ANTXR1: variants seen among roughly 807,000 people sequenced by gnomAD.
ANTXR1 encodes ANTXR cell adhesion molecule 1.
In ANTXR1, 19 loss-of-function variants were observed where a neutral mutation model predicts 78.1. The ratio of observed to expected loss-of-function variants is 0.24; its 90% confidence interval spans 0.17 to 0.36. The LOEUF (loss-of-function observed/expected upper bound fraction) is 0.36, where lower values mean the gene tolerates loss of function less well. Ranked by LOEUF, ANTXR1 falls within the 10% of genes least tolerant of loss-of-function variation. The pLI is 1.00. For synonymous variants in ANTXR1, 273 were observed against 260.5 expected, an observed-to-expected ratio of 1.05 and a Z score of -0.46; for missense variants, 518 against 718.6, an observed-to-expected ratio of 0.72 and a Z score of 3.19.
At chr2:69,041,730 CTT>C (rs1037017952) in intron 2 of ANTXR1, among the ~76,000 whole-genome samples, 2 of 152,198 alleles carry the variant, frequency 1.3e-5, no homozygotes, top group Admixed American at 6.5e-5. Context: ...ATCTTAGAAT[CTT>C]AGAAAATTGT....
At chr2:69,220,802 G>A (rs1258150209) in intron 17 of ANTXR1, among the ~76,000 whole-genome samples, 1 of 152,124 alleles carries the variant, frequency 6.6e-6, no homozygotes, top group Non-Finnish European at 1.5e-5. Context: ...TGAAACTAAA[G>A]GATGGAACAG....
chr2:69,044,389 G>T (rs1355101492), intron 2 of ANTXR1, among the ~76,000 whole-genome samples: 1 of 152,128 alleles, frequency 6.6e-6, no homozygotes, highest in Non-Finnish European at 1.5e-5. Flanking sequence ...TACCTATCGG[G>T]ATCCCCTTTT....
intron 12 of ANTXR1, among the ~76,000 whole-genome samples, chr2:69,126,636 G>A (rs1558577039): frequency 6.6e-6 from 1 of 151,836 alleles, no homozygotes; most frequent in Non-Finnish European, 1.5e-5. Context: ...TGAGACCACA[G>A]AGCAGAGGAA....
In ANTXR1 at chr2:69,193,459, TCACATACACACACACA is replaced by T. The variant is rs1214888097; in HGVS notation, c.1434+49_1434+64del. The T allele has an allele frequency of 5.0e-5, 52 of 1,044,904 alleles. 1 individual carries two copies. In the African/African-American group the frequency reaches 7.8e-4, roughly 16 times the overall value. 64.7% of individuals were successfully genotyped at this position (1,044,904 alleles called of 1,614,324 possible). A position where few individuals can be genotyped will look rare whatever the true frequency, so the allele number is the denominator to read the frequency against. On this transcript the variant is annotated intron_variant, in intron 17 of 17. Transcript: ENST00000303714. ...TTAATGGTGTCTCTCTCTCTCTCTC[TCACATACACACACACA>T]CACACACACACACACATATTCTTTT... is the stretch of plus-strand genomic sequence containing the variant.
intron 9 of ANTXR1, among the ~76,000 whole-genome samples, chr2:69,097,599 T>C (rs1012960625): frequency 6.6e-6 from 1 of 152,266 alleles, no homozygotes; most frequent in Non-Finnish European, 1.5e-5. Flanking sequence ...TCCTTTCATT[T>C]AAAGACATTT....
intron 9 of ANTXR1, among the ~76,000 whole-genome samples, chr2:69,101,978 G>A (rs945288065): frequency 6.6e-6 from 1 of 152,190 alleles, no homozygotes; most frequent in South Asian, 2.1e-4. Flanking sequence ...ACTTAATAAC[G>A]ATTTTATTCA....
chr2:69,226,919 C>T (rs898747562), intron 17 of ANTXR1, among the ~76,000 whole-genome samples: 1 of 152,112 alleles, frequency 6.6e-6, no homozygotes, highest in African/African-American at 2.4e-5. Flanking sequence ...TCATACAGAA[C>T]ACGAGCTCAG....
At chr2:69,078,443 G>A (rs779490229) in intron 8 of ANTXR1, among the ~76,000 whole-genome samples, 17 of 152,126 alleles carry the variant, frequency 1.1e-4, no homozygotes, top group South Asian at 2.1e-4. Flanking sequence ...AGGGGTTACC[G>A]GCCAAGGGCT....
At chr2:69,169,345 G>C (rs73934768) in intron 13 of ANTXR1, among the ~76,000 whole-genome samples, 4,731 of 152,342 alleles carry the variant, frequency 0.031, 219 homozygotes, top group African/African-American at 0.11. Flanking sequence ...TTTGGGGTGA[G>C]AGGAGGAAGC....
chr2:69,203,129 AT>A (rs1674815121), intron 17 of ANTXR1, among the ~76,000 whole-genome samples: 1 of 152,252 alleles, frequency 6.6e-6, no homozygotes, highest in African/African-American at 2.4e-5. Context: ...CATCTTCAGA[AT>A]TCCTATCTGA....
intron 9 of ANTXR1, among the ~76,000 whole-genome samples, chr2:69,098,425 A>G (rs1322715310): frequency 6.6e-6 from 1 of 152,234 alleles, no homozygotes; most frequent in Non-Finnish European, 1.5e-5. Flanking sequence ...AATATCACTG[A>G]CAATAATTTG....
chr2:69,135,360 A>G (rs975543266), intron 12 of ANTXR1, among the ~76,000 whole-genome samples: 2 of 152,226 alleles, frequency 1.3e-5, no homozygotes, highest in Non-Finnish European at 2.9e-5. Context: ...GCCAATAGTA[A>G]GATGGTAGAA....
chr2:69,161,374 T>A (rs1460832231), intron 13 of ANTXR1, among the ~76,000 whole-genome samples: 3 of 152,242 alleles, frequency 2.0e-5, no homozygotes, highest in African/African-American at 7.2e-5. Flanking sequence ...AAAAATCATT[T>A]GAAATCTGAG....
intron 17 of ANTXR1, among the ~76,000 whole-genome samples, chr2:69,211,254 C>G (rs554306530): frequency 6.6e-6 from 1 of 152,328 alleles, no homozygotes; most frequent in African/African-American, 2.4e-5. Flanking sequence ...GGCATATAGG[C>G]TGAACTTCAT....
chr2:69,244,383 C>A (rs1338184088), intron 17 of ANTXR1, among the ~76,000 whole-genome samples: 1 of 152,200 alleles, frequency 6.6e-6, no homozygotes, highest in African/African-American at 2.4e-5. Flanking sequence ...GTGACAACAA[C>A]TAAGGCTACC....
chr2:69,027,523 C>G (rs1464381265), intron 1 of ANTXR1, among the ~76,000 whole-genome samples: 1 of 152,106 alleles, frequency 6.6e-6, no homozygotes, highest in East Asian at 1.9e-4. Flanking sequence ...TCTCCCCTAA[C>G]TGATGGAACA....
intron 12 of ANTXR1, chr2:69,135,059 G>A (rs905846058): frequency 4.9e-5 from 20 of 408,152 alleles, no homozygotes; most frequent in Middle Eastern, 3.5e-4. Context: ...ATCAGAGTGC[G>A]GAACTCAGAT....
At chr2:69,244,493 G>A (rs927211100) in intron 17 of ANTXR1, among the ~76,000 whole-genome samples, 7 of 152,184 alleles carry the variant, frequency 4.6e-5, no homozygotes, top group African/African-American at 9.7e-5. Flanking sequence ...AAGGCAAGGC[G>A]TGGATGAGGA....
At chr2:69,206,925 A>T (rs1674919350) in intron 17 of ANTXR1, among the ~76,000 whole-genome samples, 1 of 152,238 alleles carries the variant, frequency 6.6e-6, no homozygotes. Flanking sequence ...TCAAGTCAGA[A>T]ACCCATACAT....
Sources: gnomAD v4.1 joint callset for allele counts (sites outside exome capture counted in the v4.1 genomes callset) on GRCh38, gnomAD v4.1.1 for gene constraint, MANE v1.5 for transcripts, NCBI Gene and HGNC (gene_info 2026-07-23, HGNC 2026-07-21) for gene names.